The following SEMA3C variants were observed in gnomAD, a reference collection of about 807,000 sequenced individuals.
SEMA3C encodes semaphorin-3C.
In SEMA3C, 47 loss-of-function variants were observed where a neutral mutation model predicts 89.4. The observed-to-expected ratio is 0.53, with a 90% CI of 0.42 to 0.67. The LOEUF is 0.67. Ranked by LOEUF, SEMA3C falls within the 30% of genes least tolerant of loss-of-function variation. The probability of loss-of-function intolerance (pLI) is 0.00; values close to 1 mark genes in which losing one functional copy is unlikely to be tolerated. For missense variants in SEMA3C, 839 were observed against 929.1 expected (o/e 0.90, Z 1.26); for synonymous variants, 310 against 320.2 (o/e 0.97, Z 0.34).
chr7:80,818,105 A>G (rs1016438034), intron 5 of SEMA3C, among the ~76,000 whole-genome samples, 194 bp downstream of exon 5: 8 of 152,000 alleles, frequency 5.3e-5, no homozygotes, highest in Admixed American at 3.9e-4. Context: ...AAATATATAT[A>G]CTTTTTTAGC....
intron 6 of SEMA3C, among the ~76,000 whole-genome samples, chr7:80,806,090 T>C (rs1263709001): frequency 1.3e-5 from 2 of 151,968 alleles, no homozygotes; most frequent in Non-Finnish European, 2.9e-5. Flanking sequence ...GGCAGACGTA[T>C]AATAGATAAC....
chr7:80,754,988 T>C (rs1242470294), intron 15 of SEMA3C, among the ~76,000 whole-genome samples: 2 of 146,708 alleles, frequency 1.4e-5, no homozygotes, highest in East Asian at 3.9e-4. Flanking sequence ...TTAGTAGAGA[T>C]GGGGTTTTGC....
intron 2 of SEMA3C, among the ~76,000 whole-genome samples, chr7:80,853,327 A>T (rs1299832458): frequency 6.6e-6 from 1 of 152,186 alleles, no homozygotes; most frequent in Non-Finnish European, 1.5e-5. Flanking sequence ...CCATGTATAC[A>T]GCAGCATTAT....
intron 2 of SEMA3C, among the ~76,000 whole-genome samples, chr7:80,896,072 C>G (rs577051110): frequency 6.6e-6 from 1 of 151,708 alleles, no homozygotes; most frequent in African/African-American, 2.4e-5. Context: ...TAGTAATATC[C>G]CCATAGTAGT....
At chr7:80,804,428 G>A (rs1414187619) in intron 7 of SEMA3C, among the ~76,000 whole-genome samples, 180 bp from the exon 8 acceptor site, 3 of 152,132 alleles carry the variant, frequency 2.0e-5, no homozygotes, top group Admixed American at 6.6e-5. Context: ...TTGGAATGTC[G>A]AGTACCACAG....
intron 11 of SEMA3C, among the ~76,000 whole-genome samples, chr7:80,790,991 T>A (rs1200752130): frequency 6.6e-6 from 1 of 152,052 alleles, no homozygotes; most frequent in Non-Finnish European, 1.5e-5. Context: ...ATGAATGCAT[T>A]ATATCATTGA....
intron 12 of SEMA3C, among the ~76,000 whole-genome samples, chr7:80,775,321 A>G (rs72612621): frequency 0.21 from 31,179 of 151,974 alleles, 3,485 homozygotes; most frequent in East Asian, 0.45. Context: ...TTTTGGAACT[A>G]CTACAGATAT....
chr7:80,870,072 C>G (rs746335957), intron 2 of SEMA3C, among the ~76,000 whole-genome samples: 2 of 152,192 alleles, frequency 1.3e-5, no homozygotes, highest in Non-Finnish European at 2.9e-5. Flanking sequence ...GTAGGGTCCA[C>G]TGTCCTCCAT....
intron 2 of SEMA3C, among the ~76,000 whole-genome samples, chr7:80,891,825 A>G (rs1791620500): frequency 6.6e-6 from 1 of 152,094 alleles, no homozygotes; most frequent in Non-Finnish European, 1.5e-5. Context: ...ATTTCCCTAA[A>G]TGAAGATTGT....
chr7:80,751,457 TAA>T (rs1277472158), intron 15 of SEMA3C, 121 bp from the exon 16 acceptor site: 3 of 786,412 alleles, frequency 3.8e-6, no homozygotes, highest in Non-Finnish European at 6.3e-6. Flanking sequence ...TAAAATTTTT[TAA>T]AAAGAGTTCT....
chr7:80,795,955 C>A (rs1789054166), intron 11 of SEMA3C, among the ~76,000 whole-genome samples: 2 of 152,222 alleles, frequency 1.3e-5, no homozygotes. Flanking sequence ...GGCTCCAGCA[C>A]AGACTGCATG....
chr7:80,745,569 A>C (rs752343782), intron 17 of SEMA3C, among the ~76,000 whole-genome samples: 4 of 152,000 alleles, frequency 2.6e-5, no homozygotes, highest in African/African-American at 9.7e-5. Flanking sequence ...AAAATAGCTT[A>C]AAGTGCTTTC....
chr7:80,782,380 A>T (rs1159735786), intron 12 of SEMA3C, among the ~76,000 whole-genome samples: 2 of 152,204 alleles, frequency 1.3e-5, no homozygotes, highest in African/African-American at 4.8e-5. Context: ...GAGTGCTATC[A>T]CTCAAACAAA....
chr7:80,805,614 A>C (rs143205564), intron 7 of SEMA3C, 25 bp downstream of exon 7: 17 of 1,580,260 alleles, frequency 1.1e-5, no homozygotes, highest in East Asian at 9.1e-5. Flanking sequence ...ATACTAAAAA[A>C]TAAATGCATC....
At chr7:80,805,351 A>G (rs901218114) in intron 7 of SEMA3C, among the ~76,000 whole-genome samples, 1 of 152,082 alleles carries the variant, frequency 6.6e-6, no homozygotes, top group Non-Finnish European at 1.5e-5. Context: ...ACAACTGGAG[A>G]AGATGCTTGG....
chr7:80,750,473 T>TACACACACAC (rs56793292), intron 16 of SEMA3C, among the ~76,000 whole-genome samples: 2,042 of 54,836 alleles, frequency 0.037, 129 homozygotes, highest in Non-Finnish European at 0.053. Flanking sequence ...TATATATATA[T>TACACACACAC]ACACACACAC....
intron 13 of SEMA3C, among the ~76,000 whole-genome samples, chr7:80,763,547 C>G (rs1000365082): frequency 3.3e-5 from 5 of 152,082 alleles, no homozygotes; most frequent in African/African-American, 1.2e-4. Flanking sequence ...GATGATAACA[C>G]CAGCATAACT....
At chr7:80,840,689 C>T (rs1409064458) in intron 2 of SEMA3C, among the ~76,000 whole-genome samples, 1 of 151,924 alleles carries the variant, frequency 6.6e-6, no homozygotes, top group Non-Finnish European at 1.5e-5. Context: ...AATTGAGGAG[C>T]ATTAAAGAAT....
intron 12 of SEMA3C, among the ~76,000 whole-genome samples, chr7:80,779,801 T>C (rs1355990184): frequency 5.3e-5 from 8 of 152,132 alleles, no homozygotes; most frequent in African/African-American, 1.7e-4. Context: ...AAGATTATGA[T>C]TATATGAGAC....
Sources: gnomAD v4.1 joint callset for allele counts (sites outside exome capture counted in the v4.1 genomes callset) on GRCh38, gnomAD v4.1.1 for gene constraint, MANE v1.5 for transcripts, NCBI Gene and HGNC (gene_info 2026-07-23, HGNC 2026-07-21) for gene names.